SGCD: variants seen among roughly 807,000 people sequenced by gnomAD.
SGCD encodes the protein sarcoglycan delta, also known as delta-sarcoglycan.
Under a neutral mutation model 36.6 loss-of-function variants are expected in SGCD, and 18 were observed. The ratio of observed to expected loss-of-function variants is 0.49; its 90% confidence interval spans 0.34 to 0.73. The LOEUF is 0.73. SGCD is among the 30% of genes least tolerant of loss of function. The probability of loss-of-function intolerance (pLI) is 0.01; values close to 1 mark genes in which losing one functional copy is unlikely to be tolerated. For missense variants in SGCD, 387 were observed against 346.7 expected (o/e 1.12, Z -0.92); for synonymous variants, 133 against 130.6 (o/e 1.02, Z -0.12).
At chr5:156,102,069 C>A (rs1761533730) in intron 1 of SGCD, among the ~76,000 whole-genome samples, 1 of 151,908 alleles carries the variant, frequency 6.6e-6, no homozygotes, top group Non-Finnish European at 1.5e-5. Context: ...TCCATTATTA[C>A]TAGGACTTTG....
Position 156,251,507 on chromosome 5 carries a change from A to G in SGCD, c.-43-78027A>G, listed in dbSNP as rs555869144. 7.2e-5 allele frequency among the ~76,000 whole-genome samples: 10 copies of G among 138,344 alleles called. No homozygotes were observed. In the South Asian group the frequency reaches 2.3e-3, roughly 31 times the overall value. The allele number at this position is 138,344 out of a possible 152,430, so 90.8% of individuals were successfully genotyped here. On this transcript the variant is annotated intron_variant, in intron 3 of 9. Coordinates refer to the SGCD transcript ENST00000517913. ...TGTATTTTTGTTTGAATTAGATTTT[A>G]TATTATTTATACTACTTTTTTTTTT...
At chr5:155,912,154 G>A (rs2113358636) in intron 1 of SGCD, among the ~76,000 whole-genome samples, 1 of 152,074 alleles carries the variant, frequency 6.6e-6, no homozygotes, top group East Asian at 1.9e-4. Context: ...AGTGACTTGT[G>A]TGCTCTTGAG....
intron 1 of SGCD, among the ~76,000 whole-genome samples, chr5:155,893,773 T>C (rs1756187387): frequency 6.6e-6 from 1 of 152,194 alleles, no homozygotes; most frequent in African/African-American, 2.4e-5. Flanking sequence ...AATGTGCTCT[T>C]AGATAATTTC....
At chr5:155,873,046 A>G (rs982670332) in intron 1 of SGCD, among the ~76,000 whole-genome samples, 1 of 152,168 alleles carries the variant, frequency 6.6e-6, no homozygotes, top group Non-Finnish European at 1.5e-5. Flanking sequence ...TACCCTGGAC[A>G]AAGGCACAAT....
chr5:155,968,064 G>A (rs1470829234), intron 1 of SGCD, among the ~76,000 whole-genome samples: 1 of 152,128 alleles, frequency 6.6e-6, no homozygotes, highest in Non-Finnish European at 1.5e-5. Context: ...TATTTGCAGA[G>A]TGGTTGGGAT....
intron 3 of SGCD, among the ~76,000 whole-genome samples, chr5:156,290,011 T>C (rs2127677448): frequency 6.6e-6 from 1 of 152,158 alleles, no homozygotes; most frequent in Non-Finnish European, 1.5e-5. Flanking sequence ...GCAGGGGCAA[T>C]TAGAGAATGG....
chr5:156,216,014 T>A (rs1172323094), intron 3 of SGCD, among the ~76,000 whole-genome samples: 2 of 152,120 alleles, frequency 1.3e-5, no homozygotes, highest in African/African-American at 4.8e-5. Context: ...AAAAAAGAAA[T>A]CCTGTCATTT....
chr5:156,756,607 T>C (rs1046273478), intron 7 of SGCD, among the ~76,000 whole-genome samples: 5 of 152,218 alleles, frequency 3.3e-5, no homozygotes, highest in Admixed American at 2.6e-4. Context: ...TTTTTCTCAT[T>C]ATATGAATTA....
chr5:156,678,709 G>T (rs1753607112), intron 7 of SGCD, among the ~76,000 whole-genome samples: 1 of 152,210 alleles, frequency 6.6e-6, no homozygotes, highest in South Asian at 2.1e-4. Context: ...TGTGTGGAAT[G>T]ATATGATTGC....
chr5:156,196,769 A>G (rs1764033566), intron 3 of SGCD, among the ~76,000 whole-genome samples: 1 of 152,186 alleles, frequency 6.6e-6, no homozygotes, highest in Non-Finnish European at 1.5e-5. Flanking sequence ...GTGTCTTAAA[A>G]TATTATATAT....
chr5:156,638,141 T>C (rs1254711870), intron 6 of SGCD, among the ~76,000 whole-genome samples: 1 of 152,030 alleles, frequency 6.6e-6, no homozygotes, highest in African/African-American at 2.4e-5. Flanking sequence ...TTTTTTTTAT[T>C]TTACATCTCA....
chr5:156,213,486 C>T (rs1446311483), intron 3 of SGCD, among the ~76,000 whole-genome samples: 2 of 151,990 alleles, frequency 1.3e-5, no homozygotes, highest in East Asian at 1.9e-4. Flanking sequence ...AAGTCTCCCA[C>T]TGAAGCAAAG....
At chr5:156,694,165 T>C (rs1754218997) in intron 7 of SGCD, among the ~76,000 whole-genome samples, 1 of 152,196 alleles carries the variant, frequency 6.6e-6, no homozygotes, top group Non-Finnish European at 1.5e-5. Flanking sequence ...CATTGTCTAA[T>C]TAAAGTTTTC....
At chr5:155,918,883 G>A (rs1019440708) in intron 1 of SGCD, among the ~76,000 whole-genome samples, 1 of 152,176 alleles carries the variant, frequency 6.6e-6, no homozygotes, top group African/African-American at 2.4e-5. Context: ...AAGAATATGT[G>A]TATATGTGTA....
chr5:156,281,156 T>TATG (rs1330247146), intron 3 of SGCD, among the ~76,000 whole-genome samples: 5 of 152,170 alleles, frequency 3.3e-5, no homozygotes, highest in Non-Finnish European at 7.3e-5. Flanking sequence ...TTGAAAGTGT[T>TATG]ATGTTTAAAA....
At chr5:155,886,163 C>T (rs761475358) in intron 1 of SGCD, among the ~76,000 whole-genome samples, 11 of 152,004 alleles carry the variant, frequency 7.2e-5, no homozygotes, top group Non-Finnish European at 1.0e-4. Context: ...GATACTGATT[C>T]GAACTAATTT....
intron 3 of SGCD, among the ~76,000 whole-genome samples, chr5:156,145,255 T>A (rs116783190): frequency 0.01 from 1,530 of 152,322 alleles, 15 homozygotes; most frequent in Middle Eastern, 0.031. Context: ...CATTTCCTAC[T>A]GCTCCAGCCA....
chr5:156,073,515 G>T (rs1181922198), intron 1 of SGCD, among the ~76,000 whole-genome samples: 3 of 152,140 alleles, frequency 2.0e-5, no homozygotes, highest in Non-Finnish European at 4.4e-5. Flanking sequence ...GGGAGCTGTG[G>T]TTATGCCACT....
At chr5:156,053,958 C>G (rs958154854) in intron 1 of SGCD, among the ~76,000 whole-genome samples, 1 of 145,438 alleles carries the variant, frequency 6.9e-6, no homozygotes, top group Admixed American at 6.9e-5. Flanking sequence ...ATTCCATTGA[C>G]GAGGGTAGAG....
Sources: gnomAD v4.1 joint callset for allele counts (sites outside exome capture counted in the v4.1 genomes callset) on GRCh38, gnomAD v4.1.1 for gene constraint, MANE v1.5 for transcripts, NCBI Gene and HGNC (gene_info 2026-07-23, HGNC 2026-07-21) for gene names.